Variants in TNFSF4 observed in about 807,000 individuals in gnomAD.
The protein encoded by TNFSF4 is TNF superfamily member 4.
A neutral mutation model predicts 7.3 loss-of-function variants in TNFSF4; 4 were observed. The observed-to-expected ratio is 0.55, with a 90% confidence interval of 0.27 to 1.25. The LOEUF (loss-of-function observed/expected upper bound fraction) is 1.25. TNFSF4 is among the 50% of genes most tolerant of loss of function. TNFSF4 has a pLI of 0.12. For missense variants in TNFSF4, 181 were observed against 208.8 expected (o/e 0.87, Z 0.82); for synonymous variants, 76 against 83.7 (o/e 0.91, Z 0.50).
At chr1:173,372,072 G>A in the TNFSF4 span, among the ~76,000 whole-genome samples, 1 of 152,174 alleles carries the variant, frequency 6.6e-6, no homozygotes, top group African/African-American at 2.4e-5. Context: ...GAACTTTCTA[G>A]CTAATCAAGG....
the TNFSF4 span, among the ~76,000 whole-genome samples, chr1:173,294,982 CTGA>C: frequency 1.3e-5 from 2 of 152,102 alleles, no homozygotes; most frequent in South Asian, 4.2e-4. Flanking sequence ...ATACAAATCT[CTGA>C]TGAACACATG....
intron 1 of TNFSF4, among the ~76,000 whole-genome samples, chr1:173,188,814 G>T (rs1181843302): frequency 6.6e-6 from 1 of 152,158 alleles, no homozygotes; most frequent in Non-Finnish European, 1.5e-5. Flanking sequence ...CCTGGGCTCA[G>T]TGATTCCCCC....
chr1:173,370,734 A>G, the TNFSF4 span, among the ~76,000 whole-genome samples: 2 of 152,180 alleles, frequency 1.3e-5, no homozygotes, highest in Non-Finnish European at 2.9e-5. Flanking sequence ...TCAGTATTCT[A>G]TAATAGGGAC....
At chr1:173,363,388 T>C in the TNFSF4 span, 1 of 341,240 alleles carries the variant, frequency 2.9e-6, no homozygotes, top group East Asian at 8.1e-5. Context: ...CTTTGATTCT[T>C]CATTCTTTGA....
chr1:173,227,890 G>A, the TNFSF4 span, among the ~76,000 whole-genome samples: 1 of 152,206 alleles, frequency 6.6e-6, no homozygotes, highest in African/African-American at 2.4e-5. Context: ...GGCTGGGGGA[G>A]GGGCGCCCAC....
the TNFSF4 span, among the ~76,000 whole-genome samples, chr1:173,226,421 G>C: frequency 6.6e-6 from 1 of 152,138 alleles, no homozygotes; most frequent in African/African-American, 2.4e-5. Context: ...ACATGAATAT[G>C]CCATATGATC....
chr1:173,379,679 A>C, the TNFSF4 span, among the ~76,000 whole-genome samples: 3 of 152,196 alleles, frequency 2.0e-5, no homozygotes, highest in Non-Finnish European at 2.9e-5. Flanking sequence ...GCCCAAAAGG[A>C]AAAGTGAGAT....
the TNFSF4 span, among the ~76,000 whole-genome samples, chr1:173,445,047 G>A: frequency 6.6e-6 from 1 of 152,148 alleles, no homozygotes; most frequent in African/African-American, 2.4e-5. Context: ...TAAAAGGATA[G>A]GATTAGTGTC....
chr1:173,371,917 A>T, the TNFSF4 span, among the ~76,000 whole-genome samples: 6 of 152,186 alleles, frequency 3.9e-5, no homozygotes, highest in Non-Finnish European at 7.3e-5. Context: ...GGGTTTAGGG[A>T]TAGCCCTAAT....
At chr1:173,341,178 A>C in the TNFSF4 span, among the ~76,000 whole-genome samples, 1 of 152,136 alleles carries the variant, frequency 6.6e-6, no homozygotes, top group Admixed American at 6.5e-5. Context: ...CTTTCTTTGT[A>C]AATTACCCAG....
At chr1:173,228,832 G>C in the TNFSF4 span, among the ~76,000 whole-genome samples, 1 of 152,200 alleles carries the variant, frequency 6.6e-6, no homozygotes. Flanking sequence ...GGGGATCAGT[G>C]ATTGAAGATC....
chr1:173,324,203 A>G, the TNFSF4 span, among the ~76,000 whole-genome samples: 3 of 152,224 alleles, frequency 2.0e-5, no homozygotes, highest in Admixed American at 2.0e-4. Flanking sequence ...CGGGGGGGCC[A>G]ATATTCAACA....
chr1:173,334,583 G>A, the TNFSF4 span, among the ~76,000 whole-genome samples: 3 of 152,126 alleles, frequency 2.0e-5, no homozygotes, highest in Non-Finnish European at 2.9e-5. Context: ...GAACTTTCAG[G>A]CCTATAGGCT....
chr1:173,231,086 C>A, the TNFSF4 span, among the ~76,000 whole-genome samples: 3 of 152,210 alleles, frequency 2.0e-5, no homozygotes, highest in African/African-American at 4.8e-5. Context: ...TCCTCCCTAA[C>A]TCACTTTATG....
At chr1:173,231,010 A>G in the TNFSF4 span, among the ~76,000 whole-genome samples, 1 of 152,214 alleles carries the variant, frequency 6.6e-6, no homozygotes, top group Non-Finnish European at 1.5e-5. Flanking sequence ...GAATTCTACC[A>G]GAGGTACAAG....
chr1:173,250,271 G>A, the TNFSF4 span, among the ~76,000 whole-genome samples: 190 of 152,128 alleles, frequency 1.2e-3, no homozygotes, highest in African/African-American at 4.5e-3. Flanking sequence ...ATAAAATGTA[G>A]GTGAATTCTT....
chr1:173,337,801 A>G, the TNFSF4 span, among the ~76,000 whole-genome samples: 3 of 152,182 alleles, frequency 2.0e-5, no homozygotes, highest in Non-Finnish European at 4.4e-5. Flanking sequence ...AAGAAACATG[A>G]TTAGAAAATT....
rs1649234511 is a variant in TNFSF4, at chr1:173,186,604, G to A, written c.464C>T (p.Thr155Ile). The change falls in exon 3 of 3, where the codon ACT (threonine) becomes ATT (isoleucine). Residue 155 changes from threonine to isoleucine, a missense_variant. Thr to Ile is a moderately conservative substitution (Grantham distance 89). Coordinates refer to ENST00000281834, the MANE Select transcript of TNFSF4 (RefSeq NM_003326.5). ...YKDKVYLNVT[T>I]DNTSLDDFHV... ...GAAGTCATCCAGGGAGGTATTGTCA[G>A]TGGTCACATTCAAGTAGACTTTGTC... 1.2e-6 allele frequency: 2 copies of A among 1,614,196 alleles called. No individual in the cohort carries two copies. The highest frequency in any genetic ancestry group is 1.7e-6 in the Non-Finnish European group (2 of 1,180,020).
chr1:173,225,154 G>C, the TNFSF4 span, among the ~76,000 whole-genome samples: 8 of 152,152 alleles, frequency 5.3e-5, no homozygotes, highest in African/African-American at 1.9e-4. Flanking sequence ...GTAAGAAAGA[G>C]GTTGGTTAAA....
Sources: gnomAD v4.1 joint callset for allele counts (sites outside exome capture counted in the v4.1 genomes callset) on GRCh38, gnomAD v4.1.1 for gene constraint, MANE v1.5 for transcripts, NCBI Gene and HGNC (gene_info 2026-07-23, HGNC 2026-07-21) for gene names.